Variants in PMP22 observed in about 807,000 individuals in gnomAD.
PMP22 encodes the protein Charcot-Marie-Tooth neuropathy 1A (greatly reduced nerve conduction velocity, hereditary motor sensory neuropathy Ia).
A neutral mutation model predicts 18.9 loss-of-function variants in PMP22; 2 were observed. That is an observed-to-expected ratio of 0.11 (90% CI 0.04 to 0.33). PMP22 has a LOEUF of 0.33. Among genes scored for constraint, PMP22 ranks in the 10% least tolerant of loss-of-function variants. The pLI, the probability that PMP22 is intolerant of heterozygous loss-of-function variation, is 1.00. For missense variants in PMP22, 169 were observed against 202.2 expected (o/e 0.84, Z 1.00); for synonymous variants, 95 against 89.2 (o/e 1.07, Z -0.37).
At chr17:15,260,807 C>G (rs1909265043) in intron 1 of PMP22, 46 bp from the exon 2 acceptor site, 1 of 1,276,652 alleles carries the variant, frequency 7.8e-7, no homozygotes, top group Non-Finnish European at 1.1e-6. Flanking sequence ...CTGGGCCGAG[C>G]GACGGAGGCG....
intron 3 of PMP22, among the ~76,000 whole-genome samples, chr17:15,253,462 T>A (rs950837714): frequency 6.6e-6 from 1 of 152,136 alleles, no homozygotes; most frequent in Admixed American, 6.5e-5. Flanking sequence ...CCTTGTACAA[T>A]TTCTGATATA....
At chr17:15,253,292 C>T (rs953042374) in intron 3 of PMP22, among the ~76,000 whole-genome samples, 4 of 152,170 alleles carry the variant, frequency 2.6e-5, no homozygotes, top group Admixed American at 6.5e-5. Context: ...CTACTCAAAA[C>T]CAATTTTCTA....
At position 15,252,021 on chromosome 17, in the gene PMP22, G is replaced by T. The variant is rs139302574; in HGVS notation, c.178+7073C>A. The stretch of plus-strand genomic sequence containing the variant: ...CTCTGTACCTCCCTTGTACCACCAG[G>T]GTCTCAGCATCTCATAAGAGCCTGT... On this transcript the variant is annotated intron_variant, in intron 3 of 4. Transcript: ENST00000312280. 3.1e-3 allele frequency among the ~76,000 whole-genome samples: 473 copies of T among 152,112 alleles called. 2 individuals are homozygous for T. Among genetic ancestry groups the T allele is most frequent in the African/African-American group, 0.011 (451 of 41,492 alleles).
chr17:15,233,405 C>G (rs1407236007), intron 4 of PMP22, among the ~76,000 whole-genome samples: 1 of 152,226 alleles, frequency 6.6e-6, no homozygotes, highest in South Asian at 2.1e-4. Context: ...AAGAGTTTCT[C>G]CCTGTCTCAG....
intron 3 of PMP22, among the ~76,000 whole-genome samples, chr17:15,248,212 C>A (rs1386949532): frequency 6.6e-6 from 1 of 152,154 alleles, no homozygotes; most frequent in African/African-American, 2.4e-5. Context: ...ATGATTCATG[C>A]GGAAAGCAAA....
chr17:15,254,531 T>G (rs956930196), intron 3 of PMP22, among the ~76,000 whole-genome samples: 3 of 152,130 alleles, frequency 2.0e-5, no homozygotes, highest in African/African-American at 7.2e-5. Flanking sequence ...AGGGGTTGAA[T>G]TGGCAGAGGA....
At chr17:15,260,404 G>A (rs967259647) in intron 2 of PMP22, 1 of 575,248 alleles carries the variant, frequency 1.7e-6, no homozygotes, top group African/African-American at 1.9e-5. Flanking sequence ...CGGCTCTGAA[G>A]TTACTTGGCT....
chr17:15,235,047 T>C (rs1222852727), intron 4 of PMP22, among the ~76,000 whole-genome samples: 3 of 152,214 alleles, frequency 2.0e-5, no homozygotes, highest in Non-Finnish European at 4.4e-5. Context: ...CTTGAACTCC[T>C]GGCTTTAAGC....
chr17:15,247,661 G>T (rs1037971373), intron 3 of PMP22, among the ~76,000 whole-genome samples: 1 of 152,168 alleles, frequency 6.6e-6, no homozygotes, highest in African/African-American at 2.4e-5. Context: ...AAAGTATGAA[G>T]CACTTTTCAA....
intron 3 of PMP22, among the ~76,000 whole-genome samples, chr17:15,251,901 C>G (rs780563938): frequency 2.0e-5 from 3 of 152,048 alleles, no homozygotes; most frequent in Non-Finnish European, 2.9e-5. Context: ...AGTTCAGACA[C>G]AGGTTCAAAC....
chr17:15,236,687 C>G (rs1906849709), intron 4 of PMP22, among the ~76,000 whole-genome samples: 1 of 152,180 alleles, frequency 6.6e-6, no homozygotes, highest in South Asian at 2.1e-4. Flanking sequence ...ACTTAGCTCT[C>G]TAATTACTAA....
intron 3 of PMP22, among the ~76,000 whole-genome samples, chr17:15,246,016 T>C (rs1205257148): frequency 9.0e-6 from 1 of 111,016 alleles, no homozygotes; most frequent in Non-Finnish European, 1.8e-5. Flanking sequence ...GCAAGACTCG[T>C]CTCAAAAAAA....
intron 3 of PMP22, among the ~76,000 whole-genome samples, chr17:15,249,895 A>C (rs1908172483): frequency 6.6e-6 from 1 of 152,160 alleles, no homozygotes; most frequent in Non-Finnish European, 1.5e-5. Context: ...TGGACAAAAG[A>C]GGGGCAGTGT....
At chr17:15,253,229 G>A (rs556278932) in intron 3 of PMP22, among the ~76,000 whole-genome samples, 4 of 152,222 alleles carry the variant, frequency 2.6e-5, no homozygotes, top group South Asian at 2.1e-4. Context: ...TGGACCCTGC[G>A]TGCCATGCCC....
Position 15,232,086 on chromosome 17 carries a change from C to T in PMP22, c.320-1006G>A, listed in dbSNP as rs138582379. On this transcript the variant is annotated intron_variant, in intron 4 of 4. Coordinates refer to ENST00000312280, the MANE Select transcript of PMP22 (RefSeq NM_000304.4). ...TGACTCTATTATAAATCCAGTATGC[C>T]GTGTGGGATTCATGCAGTTCCAGAG... 1.6e-3 allele frequency among the ~76,000 whole-genome samples: 248 copies of T among 152,032 alleles called. 1 individual carries two copies. Among genetic ancestry groups the T allele is most frequent in the African/African-American group, 5.8e-3 (241 of 41,460 alleles).
At chr17:15,248,524 AGTT>A (rs1260647552) in intron 3 of PMP22, among the ~76,000 whole-genome samples, 3 of 152,178 alleles carry the variant, frequency 2.0e-5, no homozygotes, top group African/African-American at 7.2e-5. Flanking sequence ...TCTGCTAGTG[AGTT>A]TTTGGACTTC....
chr17:15,260,659 C>A lies in PMP22; in HGVS notation c.69G>T (p.Thr23=). ...CCCGCCAGGCACTCACGCTGACGAT[C>A]GTGGAGACGAACAGCAGCACCAGCA... is the stretch of plus-strand genomic sequence containing the variant. ...VAVLVLLFVS[T]IVSQWIVGNG... Residue 23 remains threonine (T), a synonymous_variant, in exon 2 of 5, where the codon ACG becomes ACT. Transcript: ENST00000312280. 2 of 1,552,306 alleles carry A rather than the reference C, an allele frequency of 1.3e-6. No homozygotes were observed. The highest frequency in any genetic ancestry group is 1.7e-6 in the Non-Finnish European group (2 of 1,147,286).
intron 3 of PMP22, among the ~76,000 whole-genome samples, chr17:15,246,199 A>G (rs1390103316): frequency 1.3e-5 from 2 of 152,204 alleles, no homozygotes; most frequent in African/African-American, 4.8e-5. Context: ...ATAGCAAACT[A>G]TCTATAAAGA....
intron 2 of PMP22, among the ~76,000 whole-genome samples, chr17:15,259,671 G>A (rs971013272): frequency 7.2e-5 from 11 of 151,916 alleles, no homozygotes; most frequent in Admixed American, 5.9e-4. Flanking sequence ...GCCGGGCACG[G>A]TGGCTCACAC....
Sources: allele counts gnomAD v4.1 joint callset (sites outside exome capture counted in the v4.1 genomes callset), GRCh38; gene constraint gnomAD v4.1.1; transcripts MANE v1.5; gene names NCBI Gene and HGNC (gene_info 2026-07-23, HGNC 2026-07-21).